Variants in NT5C2 observed in about 807,000 individuals in gnomAD.
NT5C2 encodes 5'-nucleotidase, cytosolic II.
In NT5C2, 58 loss-of-function variants were observed where a neutral mutation model predicts 76.1. The observed-to-expected ratio is 0.76, with a 90% confidence interval of 0.62 to 0.95. NT5C2 has a LOEUF of 0.95. Among genes scored for constraint, NT5C2 ranks in the 40% least tolerant of loss-of-function variants. The pLI, the probability that NT5C2 is intolerant of heterozygous loss-of-function variation, is 0.00. For synonymous variants in NT5C2, 229 were observed against 237.4 expected, an observed-to-expected ratio of 0.96 and a Z score of 0.32; for missense variants, 478 against 690.3, an observed-to-expected ratio of 0.69 and a Z score of 3.45.
At chr10:103,102,798 G>A (rs893917609) in intron 6 of NT5C2, among the ~76,000 whole-genome samples, 5 of 152,020 alleles carry the variant, frequency 3.3e-5, no homozygotes, top group African/African-American at 1.2e-4. Flanking sequence ...GTGATACTAA[G>A]TTTGAAGTAA....
intron 3 of NT5C2, among the ~76,000 whole-genome samples, chr10:103,173,307 G>A (rs1310579082): frequency 6.6e-6 from 1 of 151,870 alleles, no homozygotes; most frequent in Non-Finnish European, 1.5e-5. Flanking sequence ...GTCAGTTTGT[G>A]GTAAATATCA....
In NT5C2 at chr10:103,187,122, T is replaced by C. The variant is rs921332989; in HGVS notation, c.-168-5794A>G. On this transcript the variant is annotated intron_variant, in intron 1 of 18. Coordinates refer to ENST00000404739, the MANE Select transcript of NT5C2 (RefSeq NM_001351169.2). Reference sequence around the variant, plus strand: ...AAAATTAGCTAGGCATGGTGGCGCATACCTGTAATCCCAGCTACTAGGGAG... The same window carrying C: ...AAAATTAGCTAGGCATGGTGGCGCACACCTGTAATCCCAGCTACTAGGGAG... 4.6e-5 allele frequency among the ~76,000 whole-genome samples: 7 copies of C among 151,954 alleles called. No individual in the cohort carries two copies. The East Asian group carries it at 9.7e-4, about 21-fold the overall frequency.
intron 3 of NT5C2, among the ~76,000 whole-genome samples, chr10:103,174,445 C>T (rs565062395): frequency 2.6e-5 from 4 of 152,272 alleles, no homozygotes; most frequent in Admixed American, 2.6e-4. Context: ...GTAGCCCACA[C>T]CTGTAGTCTC....
At chr10:103,114,283 T>C (rs972598025) in intron 4 of NT5C2, among the ~76,000 whole-genome samples, 2 of 151,790 alleles carry the variant, frequency 1.3e-5, no homozygotes, top group African/African-American at 4.8e-5. Flanking sequence ...ATTAGCCGAG[T>C]GTGGTGGCGC....
chr10:103,098,626 T>G (rs2068781530), intron 10 of NT5C2: 1 of 284,732 alleles, frequency 3.5e-6, no homozygotes, highest in Non-Finnish European at 6.6e-6. Context: ...GGTGATGATG[T>G]GCATACAGTA....
chr10:103,166,600 A>G (rs73353842), intron 3 of NT5C2, among the ~76,000 whole-genome samples: 1 of 150,502 alleles, frequency 6.6e-6, no homozygotes, highest in Non-Finnish European at 1.5e-5. Flanking sequence ...AAAGCATTAG[A>G]ATGATAAAAA....
chr10:103,136,029 G>T lies in NT5C2; in HGVS notation c.175+3377C>A, dbSNP rs188471271. Among the ~76,000 whole-genome samples the T allele has an allele frequency of 4.1e-3, 617 of 152,276 alleles. 19 individuals are homozygous for T. The East Asian group carries it at 0.072, about 18-fold the overall frequency. On this transcript the variant is annotated intron_variant, in intron 4 of 18. Coordinates refer to ENST00000404739, the MANE Select transcript of NT5C2 (RefSeq NM_001351169.2). ...TTGAACCTGGGAGGCACAGGTTGCA[G>T]TGAGCCAGGATTGCACCATTGCACT...
At position 103,088,631 on chromosome 10, in the gene NT5C2, C is replaced by T. The variant is rs779417988; in HGVS notation, c.*1041G>A. The T allele has an allele frequency of 4.2e-5, 7 of 166,544 alleles. No homozygotes were observed. Among genetic ancestry groups the T allele is most frequent in the Non-Finnish European group, 7.9e-5 (6 of 76,346 alleles). The allele number at this position is 166,544 out of a possible 1,614,324, so 10.3% of individuals were successfully genotyped here. ...CGAACTCCCGACCTCAGGTGATCCG[C>T]CTGTCTCGGCCTCCCAAAGTGCTGG... On this transcript the variant is annotated 3_prime_UTR_variant, in exon 19 of 19. Transcript: ENST00000404739.
chr10:103,122,584 T>C (rs2075875693), intron 4 of NT5C2, among the ~76,000 whole-genome samples: 1 of 152,200 alleles, frequency 6.6e-6, no homozygotes, highest in Non-Finnish European at 1.5e-5. Flanking sequence ...GAACCCAAAA[T>C]ATGATACCTG....
intron 4 of NT5C2, among the ~76,000 whole-genome samples, chr10:103,121,986 C>T (rs1445718585): frequency 6.6e-6 from 1 of 152,110 alleles, no homozygotes; most frequent in African/African-American, 2.4e-5. Context: ...CCAGCCTGGA[C>T]CAGCCTAGCC....
intron 4 of NT5C2, among the ~76,000 whole-genome samples, chr10:103,135,464 G>A (rs898922438): frequency 6.6e-6 from 1 of 152,114 alleles, no homozygotes; most frequent in Non-Finnish European, 1.5e-5. Flanking sequence ...CCAGCCAGGT[G>A]GAAATATAAG....
intron 12 of NT5C2, among the ~76,000 whole-genome samples, chr10:103,095,028 CTT>C (rs2067859243): frequency 6.6e-6 from 1 of 152,106 alleles, no homozygotes; most frequent in Non-Finnish European, 1.5e-5. Context: ...TTTTACAGCA[CTT>C]TATGAAAGTG....
chr10:103,134,628 C>G (rs1295016952), intron 4 of NT5C2, among the ~76,000 whole-genome samples: 1 of 152,222 alleles, frequency 6.6e-6, no homozygotes, highest in African/African-American at 2.4e-5. Flanking sequence ...AGCCCCCACA[C>G]AGAGTCCCTA....
At chr10:103,105,361 T>C in intron 6 of NT5C2, 1 of 953,940 alleles carries the variant, frequency 1.0e-6, no homozygotes, top group Non-Finnish European at 1.4e-6. Context: ...TACATACCTC[T>C]TCTGAACAGC....
chr10:103,176,473 A>G (rs2089972248), intron 2 of NT5C2, among the ~76,000 whole-genome samples: 1 of 152,128 alleles, frequency 6.6e-6, no homozygotes, highest in South Asian at 2.1e-4. Context: ...TTATACTCCC[A>G]AACATTGCAT....
At chr10:103,110,227 G>A (rs543386255) in intron 4 of NT5C2, among the ~76,000 whole-genome samples, 10 of 152,258 alleles carry the variant, frequency 6.6e-5, no homozygotes, top group South Asian at 2.1e-4. Context: ...AGGCCGGGGC[G>A]TGTGGATCAC....
At chr10:103,170,524 C>A (rs2087668063) in intron 3 of NT5C2, among the ~76,000 whole-genome samples, 2 of 138,862 alleles carry the variant, frequency 1.4e-5, no homozygotes, top group African/African-American at 5.2e-5. Flanking sequence ...CACACATGCA[C>A]ACTTTTTTTT....
chr10:103,138,370 G>A (rs968003493), intron 4 of NT5C2, among the ~76,000 whole-genome samples: 1 of 152,070 alleles, frequency 6.6e-6, no homozygotes, highest in African/African-American at 2.4e-5. Flanking sequence ...CTATAAACCC[G>A]TCATCTAGGT....
intron 1 of NT5C2, among the ~76,000 whole-genome samples, chr10:103,187,514 T>C (rs927327926): frequency 7.1e-6 from 1 of 140,994 alleles, no homozygotes; most frequent in Admixed American, 7.6e-5. Flanking sequence ...ACTGCACCAA[T>C]GCACTTCAGC....
Sources: gnomAD v4.1 joint callset for allele counts (sites outside exome capture counted in the v4.1 genomes callset) on GRCh38, gnomAD v4.1.1 for gene constraint, MANE v1.5 for transcripts, NCBI Gene and HGNC (gene_info 2026-07-23, HGNC 2026-07-21) for gene names.